GIT2: variants seen among roughly 807,000 people sequenced by gnomAD.
The protein encoded by GIT2 is ARF GTPase-activating protein GIT2.
Under a neutral mutation model 100.3 loss-of-function variants are expected in GIT2, and 32 were observed. That is an observed-to-expected ratio of 0.32 (90% CI 0.24 to 0.43). GIT2 has a LOEUF of 0.43. Ranked by LOEUF, GIT2 falls within the 20% of genes least tolerant of loss-of-function variation. GIT2 has a pLI of 1.00. For synonymous variants in GIT2, 353 were observed against 364.1 expected (o/e 0.97, Z 0.35); for missense variants, 737 against 975.1 (o/e 0.76, Z 3.25).
At chr12:109,972,404 C>T (rs995449184) in intron 7 of GIT2, among the ~76,000 whole-genome samples, 2 of 151,832 alleles carry the variant, frequency 1.3e-5, no homozygotes, top group African/African-American at 4.8e-5. Flanking sequence ...AATGCTTCTT[C>T]TGCATCAACT....
chr12:109,932,204 G>A lies in GIT2; in HGVS notation c.*774C>T, dbSNP rs1871765231. The A allele has an allele frequency of 6.6e-6, 1 of 152,246 alleles. No homozygotes were observed. Among genetic ancestry groups the A allele is most frequent in the East Asian group, 1.9e-4 (1 of 5,202 alleles). 9.4% of individuals were successfully genotyped at this position (152,246 alleles called of 1,614,324 possible). A position where few individuals can be genotyped will look rare whatever the true frequency, so the allele number is the denominator to read the frequency against. On this transcript the variant is annotated 3_prime_UTR_variant, in exon 20 of 20. Coordinates refer to ENST00000355312, the MANE Select transcript of GIT2 (RefSeq NM_057169.5). ...TTTGAACAAACTGTCTGGCTTACAG[G>A]GGTGAGGGAGAGCACCTGACAATGG...
In GIT2 at chr12:109,996,190, G is replaced by A. The variant is rs1444105226; in HGVS notation, c.35C>T (p.Ala12Val). Residue 12 changes from alanine (A) to valine (V), a missense_variant, in exon 1 of 20, where the codon GCT (alanine) becomes GTT (valine). Physicochemically the swap from Ala to Val is moderately conservative, Grantham distance 64 (BLOSUM62 0). Transcript: ENST00000355312. Reference sequence around the variant, plus strand: ...CGACTCACCCGGCCCGCTGCAGTCAGCGCACACCTCGCTGCTCCGGAGCCG... The same window carrying A: ...CGACTCACCCGGCCCGCTGCAGTCAACGCACACCTCGCTGCTCCGGAGCCG... ...SKRLRSSEVC[A>V]DCSGPDPSWA... is the part of the protein sequence containing the mutation. 1 of 1,531,304 alleles carries A rather than the reference G, an allele frequency of 6.5e-7. No individual in the cohort carries two copies. The highest frequency in any genetic ancestry group is 1.2e-5 in the South Asian group (1 of 81,926). 94.9% of individuals were successfully genotyped at this position (1,531,304 alleles called of 1,614,324 possible). A position where few individuals can be genotyped will look rare whatever the true frequency, so the allele number is the denominator to read the frequency against.
rs1021837856 is a variant in GIT2 at position 109,947,846 on chromosome 12, G to T, written c.1393-342C>A. The T allele has an allele frequency of 9.5e-6, 2 of 211,064 alleles. No individual in the cohort carries two copies. The highest frequency in any genetic ancestry group is 9.6e-6 in the Non-Finnish European group (1 of 104,472). The allele number at this position is 211,064 out of a possible 1,614,324, so 13.1% of individuals were successfully genotyped here. A position where few individuals can be genotyped will look rare whatever the true frequency, so the allele number is the denominator to read the frequency against. ...AGCTGTACACTGGATTATTACTAAG[G>T]CTGTTTCAAGCAAGAGTTCGAGATC... On this transcript the variant is annotated intron_variant, in intron 14 of 19. Transcript: ENST00000355312. This position sits in a 1 kb window ranked among gnomAD's most constrained non-coding sequence, Gnocchi z 4.3.
chr12:109,933,530 C>A lies in GIT2; in HGVS notation c.2068-340G>T. 8.0e-6 allele frequency: 2 copies of A among 248,604 alleles called. No individual in the cohort carries two copies. The highest frequency in any genetic ancestry group is 1.6e-5 in the Non-Finnish European group (2 of 128,376). 15.4% of individuals were successfully genotyped at this position (248,604 alleles called of 1,614,324 possible). A position where few individuals can be genotyped will look rare whatever the true frequency, so the allele number is the denominator to read the frequency against. On this transcript the variant is annotated intron_variant, in intron 19 of 19. Transcript: ENST00000355312. This position sits in a 1 kb window ranked among gnomAD's most constrained non-coding sequence, Gnocchi z 4.5. ...TGCCTTTTAGCACGACTTGTATATCCTTGTCTTATTAAATCAACATTCATG... is the reference window on the plus strand; with the variant it reads ...TGCCTTTTAGCACGACTTGTATATCATTGTCTTATTAAATCAACATTCATG...
chr12:109,971,994 A>G (rs981670592), intron 7 of GIT2, among the ~76,000 whole-genome samples: 1 of 137,246 alleles, frequency 7.3e-6, no homozygotes, highest in Admixed American at 6.9e-5. Context: ...ACTATCTCAA[A>G]AAAAAGGGAA....
At chr12:109,945,746 T>G (rs971970481) in intron 15 of GIT2, among the ~76,000 whole-genome samples, 8 of 152,228 alleles carry the variant, frequency 5.3e-5, no homozygotes, top group African/African-American at 1.9e-4. Flanking sequence ...TCCTGATATA[T>G]CTTTATATTC....
rs1877767568 is a variant in GIT2, at chr12:109,951,277, G to A, written c.1282C>T (p.Gln428Ter). ...SDLSDGPVTV[Q>*]EFMEVKNALV... The stretch of plus-strand genomic sequence containing the variant: ...GCGTTTTTGACCTCCATAAATTCCT[G>A]TACAGTGACTGGTCCATCTGATAAA... Residue 428 changes from glutamine (Q) to a stop codon, truncating the protein, a stop_gained, in exon 14 of 20, where the codon CAG becomes TAG. Transcript: ENST00000355312. LOFTEE classifies it high-confidence loss of function. 1 of 1,611,238 alleles carries A rather than the reference G, an allele frequency of 6.2e-7. No homozygotes were observed. Among genetic ancestry groups the A allele is most frequent in the Non-Finnish European group, 8.5e-7 (1 of 1,177,474 alleles).
chr12:109,994,164 A>G (rs558861936), intron 1 of GIT2, among the ~76,000 whole-genome samples: 1 of 152,194 alleles, frequency 6.6e-6, no homozygotes, highest in African/African-American at 2.4e-5. Flanking sequence ...TTTTTTAGCA[A>G]GTATTTAACA....
At chr12:109,988,524 A>G (rs985314288) in intron 4 of GIT2, among the ~76,000 whole-genome samples, 6 of 152,114 alleles carry the variant, frequency 3.9e-5, no homozygotes, top group Non-Finnish European at 7.4e-5. Flanking sequence ...CCTGGGCAAC[A>G]GAGCAAGACC....
chr12:109,989,859 G>A (rs1042747789), intron 2 of GIT2, 57 bp from the exon 3 acceptor site: 2 of 888,438 alleles, frequency 2.3e-6, no homozygotes, highest in African/African-American at 3.3e-5. Flanking sequence ...TATTCAATGG[G>A]GATCAGTGAC....
intron 4 of GIT2, among the ~76,000 whole-genome samples, chr12:109,988,555 G>A (rs945263552): frequency 6.6e-6 from 1 of 151,422 alleles, no homozygotes; most frequent in Admixed American, 6.6e-5. Flanking sequence ...AAAAACAAAC[G>A]AAAAACAAAA....
upstream of GIT2, among the ~76,000 whole-genome samples, chr12:109,996,610 G>C (rs1240206766): frequency 6.6e-6 from 1 of 152,216 alleles, no homozygotes; most frequent in African/African-American, 2.4e-5. Context: ...CCTTCCTGAG[G>C]CAATCAATGG....
rs1871413162 is a variant in GIT2, at chr12:109,930,219, AT to A, written c.*2758del. 6.6e-6 allele frequency: 1 copy of A among 152,564 alleles called. No individual in the cohort carries two copies. Among genetic ancestry groups the A allele is most frequent in the East Asian group, 1.9e-4 (1 of 5,190 alleles). The allele number at this position is 152,564 out of a possible 1,614,324, so 9.5% of individuals were successfully genotyped here. ...CACTGTTCTTTGGCAAATAAGAACT[AT>A]TTGCATTCCAAGGCAGATGACGATT... On this transcript the variant is annotated 3_prime_UTR_variant, in exon 20 of 20. Coordinates refer to ENST00000355312, the MANE Select transcript of GIT2 (RefSeq NM_057169.5).
chr12:109,976,283 ATT>A (rs1187840816), intron 7 of GIT2, among the ~76,000 whole-genome samples: 14 of 134,902 alleles, frequency 1.0e-4, no homozygotes, highest in Admixed American at 1.5e-4. Context: ...CTACTAGATA[ATT>A]TTTTTTTTTT....
At chr12:109,945,093 A>C (rs1875923984) in intron 16 of GIT2, among the ~76,000 whole-genome samples, 167 bp downstream of exon 16, 1 of 152,182 alleles carries the variant, frequency 6.6e-6, no homozygotes, top group Non-Finnish European at 1.5e-5. Flanking sequence ...GTGAGCGTGC[A>C]TGTGGACGAG....
At chr12:109,992,041 C>G (rs974544554) in intron 1 of GIT2, 1 of 298,264 alleles carries the variant, frequency 3.4e-6, no homozygotes, top group Non-Finnish European at 6.1e-6. Flanking sequence ...TGTGGATCTA[C>G]CATTTCAGAT....
At chr12:109,983,572 T>G (rs1566009977) in intron 5 of GIT2, 36 bp downstream of exon 5, 3 of 1,589,002 alleles carry the variant, frequency 1.9e-6, no homozygotes, top group African/African-American at 1.3e-5. Flanking sequence ...ACAACTCACT[T>G]AGTTTCAATA....
chr12:109,932,903 GAA>G lies in GIT2; in HGVS notation c.*73_*74del, dbSNP rs1871893397. 1.2e-6 allele frequency: 1 copy of G among 812,578 alleles called. No homozygotes were observed. The highest frequency in any genetic ancestry group is 2.1e-6 in the Non-Finnish European group (1 of 468,436). 50.3% of individuals were successfully genotyped at this position (812,578 alleles called of 1,614,324 possible). On this transcript the variant is annotated 3_prime_UTR_variant, in exon 20 of 20. Coordinates refer to ENST00000355312, the MANE Select transcript of GIT2 (RefSeq NM_057169.5). ...TAAATGTTTCTTTTTGTAGAAATCT[GAA>G]GAGTTCTGCGTCTGAATTTGAAATT...
chr12:109,965,615 A>G (rs749573256), intron 8 of GIT2, 38 bp from the exon 9 acceptor site: 2 of 1,318,898 alleles, frequency 1.5e-6, no homozygotes, highest in Non-Finnish European at 2.2e-6. Context: ...AAATAAATAA[A>G]GCCAGACTTG....
Sources: allele counts gnomAD v4.1 joint callset (sites outside exome capture counted in the v4.1 genomes callset), GRCh38; gene constraint gnomAD v4.1.1; non-coding constraint Gnocchi (gnomAD v3.1); transcripts MANE v1.5; gene names NCBI Gene and HGNC (gene_info 2026-07-23, HGNC 2026-07-21).